Variants in RNF32 observed in about 807,000 individuals in gnomAD.
RNF32 encodes ring finger protein 32.
A neutral mutation model predicts 41.0 loss-of-function variants in RNF32; 36 were observed. That is an observed-to-expected ratio of 0.88 (90% CI 0.67 to 1.16). RNF32 has a LOEUF of 1.16. RNF32 is among the 50% of genes most tolerant of loss of function. The pLI is 0.00. For missense variants in RNF32, 413 were observed against 436.7 expected, an observed-to-expected ratio of 0.95 and a Z score of 0.48; for synonymous variants, 154 against 160.9, an observed-to-expected ratio of 0.96 and a Z score of 0.32.
At chr7:156,644,883 T>G (rs866115825) in intron 3 of RNF32, 126 bp downstream of exon 3, 19 of 981,384 alleles carry the variant, frequency 1.9e-5, no homozygotes, top group Non-Finnish European at 2.1e-5. Context: ...TGTGTATGTA[T>G]TGAAGGTATG....
intron 7 of RNF32, among the ~76,000 whole-genome samples, chr7:156,664,854 C>A (rs916538636): frequency 6.6e-6 from 1 of 151,638 alleles, no homozygotes; most frequent in Non-Finnish European, 1.5e-5. Flanking sequence ...GTCATTTTTC[C>A]AATGATAGAA....
intron 7 of RNF32, among the ~76,000 whole-genome samples, chr7:156,667,389 G>A (rs1801499655): frequency 6.6e-6 from 1 of 152,116 alleles, no homozygotes; most frequent in East Asian, 1.9e-4. Context: ...ACCAGTAATT[G>A]TTTTACATAT....
chr7:156,671,620 G>A (rs896239357), intron 7 of RNF32, among the ~76,000 whole-genome samples: 2 of 150,974 alleles, frequency 1.3e-5, no homozygotes, highest in African/African-American at 4.8e-5. Context: ...TGCCTGTGCA[G>A]GTTTGTCACT....
At chr7:156,658,932 A>G in intron 7 of RNF32, 1 of 1,536,906 alleles carries the variant, frequency 6.5e-7, no homozygotes, top group Non-Finnish European at 8.7e-7. Context: ...CATCTGCTGC[A>G]CATCTCATAG....
chr7:156,644,379 T>C, intron 2 of RNF32, 120 bp from the exon 3 acceptor site: 1 of 757,008 alleles, frequency 1.3e-6, no homozygotes, highest in Non-Finnish European at 2.3e-6. Flanking sequence ...GAGTCAAGCA[T>C]TCCTTACTAT....
At chr7:156,675,158 C>T (rs999581579) in intron 7 of RNF32, among the ~76,000 whole-genome samples, 4 of 152,230 alleles carry the variant, frequency 2.6e-5, no homozygotes, top group South Asian at 2.1e-4. Flanking sequence ...AGCGGAGACC[C>T]GAAGAGACAG....
At chr7:156,647,284 T>C (rs1424431892) in intron 3 of RNF32, among the ~76,000 whole-genome samples, 1 of 152,158 alleles carries the variant, frequency 6.6e-6, no homozygotes, top group East Asian at 1.9e-4. Context: ...ATTCTGAGAT[T>C]TTAGTGCCAC....
chr7:156,671,283 G>C (rs986706088), intron 7 of RNF32, among the ~76,000 whole-genome samples: 5 of 152,210 alleles, frequency 3.3e-5, no homozygotes, highest in Non-Finnish European at 7.3e-5. Context: ...GCACCAATCA[G>C]ATTATGTATG....
chr7:156,648,029 GTTT>G (rs11450384), intron 3 of RNF32, among the ~76,000 whole-genome samples: 1 of 142,902 alleles, frequency 7.0e-6, no homozygotes, highest in Non-Finnish European at 1.5e-5. Flanking sequence ...GGGATTATTT[GTTT>G]TTTTTTTTTC....
At chr7:156,656,795 C>T (rs1799749632) in intron 4 of RNF32, among the ~76,000 whole-genome samples, 4 of 152,228 alleles carry the variant, frequency 2.6e-5, no homozygotes, top group Admixed American at 2.6e-4. Context: ...ACAAGTTTCC[C>T]CTGCTTTCCT....
intron 7 of RNF32, among the ~76,000 whole-genome samples, chr7:156,671,463 A>C (rs979612039): frequency 9.9e-5 from 15 of 152,144 alleles, no homozygotes; most frequent in African/African-American, 3.1e-4. Context: ...ATGGTGTAGA[A>C]CACCACACCG....
In RNF32 at chr7:156,675,655, G is replaced by A. The variant is rs765858545; in HGVS notation, c.685-41G>A. The A allele has an allele frequency of 3.5e-5, 55 of 1,578,422 alleles. No homozygotes were observed. The Middle Eastern group carries it at 1.0e-3, about 29-fold the overall frequency. On this transcript the variant is annotated intron_variant, in intron 7 of 8. Transcript: ENST00000317955. The stretch of plus-strand genomic sequence containing the variant: ...AGAGCGCTTCCCTGCAACCTCCACC[G>A]AGCTCAGGTGTGAGCTTACCCGCCC...
At chr7:156,668,359 T>C (rs570242205) in intron 7 of RNF32, among the ~76,000 whole-genome samples, 3 of 152,120 alleles carry the variant, frequency 2.0e-5, no homozygotes, top group Non-Finnish European at 4.4e-5. Flanking sequence ...AGTCAACAAG[T>C]TTGGCCAGAC....
chr7:156,674,815 A>G (rs1181819103), intron 7 of RNF32, among the ~76,000 whole-genome samples: 1 of 152,262 alleles, frequency 6.6e-6, no homozygotes, highest in Non-Finnish European at 1.5e-5. Flanking sequence ...TGTGACTGCC[A>G]GAAATTTTAA....
intron 7 of RNF32, 41 bp from the exon 8 acceptor site, chr7:156,675,655 G>C (rs765858545): frequency 6.3e-7 from 1 of 1,578,300 alleles, no homozygotes; most frequent in Non-Finnish European, 8.7e-7. Flanking sequence ...AACCTCCACC[G>C]AGCTCAGGTG....
chr7:156,647,836 C>G (rs1798172950), intron 3 of RNF32, among the ~76,000 whole-genome samples: 1 of 152,142 alleles, frequency 6.6e-6, no homozygotes, highest in Non-Finnish European at 1.5e-5. Flanking sequence ...ACATCAACGC[C>G]AACATCTGTT....
chr7:156,658,030 G>A, intron 5 of RNF32, 98 bp from the exon 6 acceptor site: 1 of 1,261,208 alleles, frequency 7.9e-7, no homozygotes, highest in Non-Finnish European at 1.1e-6. Context: ...ATAGTTATGG[G>A]AGAAAAGAAC....
chr7:156,668,051 C>G (rs73741302), intron 7 of RNF32, among the ~76,000 whole-genome samples: 2,604 of 152,256 alleles, frequency 0.017, 48 homozygotes, highest in African/African-American at 0.045. Flanking sequence ...TATATTTGCT[C>G]TCATTTCTCA....
chr7:156,646,646 A>G (rs1175489944), intron 3 of RNF32: 1 of 476,226 alleles, frequency 2.1e-6, no homozygotes, highest in East Asian at 7.2e-5. Context: ...TAGATTAGGC[A>G]TCAATGAGAA....
Sources: gnomAD v4.1 joint callset for allele counts (sites outside exome capture counted in the v4.1 genomes callset) on GRCh38, gnomAD v4.1.1 for gene constraint, MANE v1.5 for transcripts, NCBI Gene and HGNC (gene_info 2026-07-23, HGNC 2026-07-21) for gene names.